SLC16A14: variants seen among roughly 807,000 people sequenced by gnomAD.
The protein encoded by SLC16A14 is monocarboxylate transporter 14.
Under a neutral mutation model 35.8 loss-of-function variants are expected in SLC16A14, and 14 were observed. That is an observed-to-expected ratio of 0.39 (90% CI 0.26 to 0.61). SLC16A14 has a LOEUF of 0.61. SLC16A14 is among the 20% of genes least tolerant of loss of function. The probability of loss-of-function intolerance (pLI) is 0.51; values close to 1 mark genes in which losing one functional copy is unlikely to be tolerated. For missense variants in SLC16A14, 533 were observed against 655.0 expected (o/e 0.81, Z 2.03); for synonymous variants, 248 against 258.9 (o/e 0.96, Z 0.40).
rs1339591650 is a variant in SLC16A14, at chr2:230,038,991, A to C, written c.1382-1460T>G. Among the ~76,000 whole-genome samples, 29 of 152,154 alleles carry C rather than the reference A, an allele frequency of 1.9e-4. No homozygotes were observed. Among genetic ancestry groups the C allele is most frequent in the Non-Finnish European group, 1.5e-4 (10 of 68,036 alleles). Reference sequence around the variant, plus strand: ...ACTTTTCAGAAACATCTTTAAAAAAATCGAATTGGCAAATGAATGCGTAAA... The same window carrying C: ...ACTTTTCAGAAACATCTTTAAAAAACTCGAATTGGCAAATGAATGCGTAAA... On this transcript the variant is annotated intron_variant, in intron 4 of 4. Transcript: ENST00000295190. The surrounding 1 kb of genome is among the most constrained non-coding windows in gnomAD (Gnocchi z 4.4).
intron 3 of SLC16A14, among the ~76,000 whole-genome samples, chr2:230,048,480 A>G (rs1459128393): frequency 6.6e-6 from 1 of 152,254 alleles, no homozygotes; most frequent in East Asian, 1.9e-4. Flanking sequence ...TATATTTTGC[A>G]TAATGGATAT....
At chr2:230,054,771 A>G (rs776446755) in intron 2 of SLC16A14, among the ~76,000 whole-genome samples, 83 of 152,164 alleles carry the variant, frequency 5.5e-4, no homozygotes, top group Non-Finnish European at 9.6e-4. Context: ...CAGGATGGTG[A>G]TGAATTCATG....
chr2:230,036,413 A>C lies in SLC16A14; in HGVS notation c.*967T>G, dbSNP rs1380984506. ...CAGACATCTACACTAATGGCATTCC[A>C]TTTATTATCCTCACAAATTGATAGT... is the stretch of plus-strand genomic sequence containing the variant. On this transcript the variant is annotated 3_prime_UTR_variant, in exon 5 of 5. Transcript: ENST00000295190. 1 of 152,240 alleles carries C rather than the reference A, an allele frequency of 6.6e-6. No individual in the cohort carries two copies. Among genetic ancestry groups the C allele is most frequent in the Non-Finnish European group, 1.5e-5 (1 of 68,046 alleles). 9.4% of individuals were successfully genotyped at this position (152,240 alleles called of 1,614,324 possible).
At position 230,064,288 on chromosome 2, in the gene SLC16A14, C is replaced by CTGTGTGTG. The variant is rs370970241; in HGVS notation, c.-15+4259_-15+4266dup. Among the ~76,000 whole-genome samples the CTGTGTGTG allele has an allele frequency of 7.9e-4, 118 of 149,690 alleles. No homozygotes were observed. In the East Asian group the frequency reaches 0.01, roughly 13 times the overall value. On this transcript the variant is annotated intron_variant, in intron 1 of 4. Coordinates refer to ENST00000295190, the MANE Select transcript of SLC16A14 (RefSeq NM_152527.5). ...AGTATGTCTTGGGTTTCAGCCTTGTCTGTGTGTGTGTGTGTGTGTGTGTGT... is the reference window on the plus strand; with the variant it reads ...AGTATGTCTTGGGTTTCAGCCTTGTCTGTGTGTGTGTGTGTGTGTGTGTGTGTGTGTGT...
Position 230,037,275 on chromosome 2 carries a change from T to C in SLC16A14, c.*105A>G. ...GGCATTTACAAATGACAGTGCCAGTTACCGTACAAAATGCTTTCCCACGTC... is the reference window on the plus strand; with the variant it reads ...GGCATTTACAAATGACAGTGCCAGTCACCGTACAAAATGCTTTCCCACGTC... On this transcript the variant is annotated 3_prime_UTR_variant, in exon 5 of 5. Transcript: ENST00000295190. 1 of 1,037,730 alleles carries C rather than the reference T, an allele frequency of 9.6e-7. No individual in the cohort carries two copies. Among genetic ancestry groups the C allele is most frequent in the South Asian group, 1.9e-5 (1 of 52,376 alleles). 64.3% of individuals were successfully genotyped at this position (1,037,730 alleles called of 1,614,324 possible). A position where few individuals can be genotyped will look rare whatever the true frequency, so the allele number is the denominator to read the frequency against.
intron 2 of SLC16A14, among the ~76,000 whole-genome samples, chr2:230,052,429 A>G (rs2077669029): frequency 6.6e-6 from 1 of 152,130 alleles, no homozygotes; most frequent in African/African-American, 2.4e-5. Flanking sequence ...TGGTTACTTG[A>G]CTATGCCTAG....
chr2:230,046,286 G>C lies in SLC16A14; in HGVS notation c.840C>G (p.Leu280=). The change falls in exon 4 of 5, where the codon CTC becomes CTG. Residue 280 remains leucine, a synonymous_variant. Transcript: ENST00000295190. The surrounding 1 kb of genome is among the most constrained non-coding windows in gnomAD (Gnocchi z 5.0). The stretch of plus-strand genomic sequence containing the variant: ...GCCAGCTGACAGTCTTCAGAATCCG[G>C]AGGGCACACATGTTCTTCCTGTGCC... ...QAGHRKNMCA[L]RILKTVSWLT... 6.2e-7 allele frequency: 1 copy of C among 1,614,188 alleles called. No homozygotes were observed. The highest frequency in any genetic ancestry group is 8.5e-7 in the Non-Finnish European group (1 of 1,180,042).
Position 230,037,544 on chromosome 2 carries a change from A to C in SLC16A14, c.1382-13T>G. On this transcript the variant is annotated splice_polypyrimidine_tract_variant and intron_variant, in intron 4 of 4. Coordinates refer to ENST00000295190, the MANE Select transcript of SLC16A14 (RefSeq NM_152527.5). ...TCATAGATCCACCCTACAAAACAAA[A>C]AAGAATATATTCAGTGTCATGGAGT... 2 of 1,589,120 alleles carry C rather than the reference A, an allele frequency of 1.3e-6. No homozygotes were observed. The highest frequency in any genetic ancestry group is 1.7e-6 in the Non-Finnish European group (2 of 1,171,352).
intron 4 of SLC16A14, among the ~76,000 whole-genome samples, chr2:230,039,495 A>T (rs904535516): frequency 1.3e-5 from 2 of 152,354 alleles, no homozygotes; most frequent in Admixed American, 1.3e-4. Context: ...ATGAACAAAA[A>T]CACACCCAAC....
At chr2:230,043,445 A>G (rs1403796992) in intron 4 of SLC16A14, among the ~76,000 whole-genome samples, 3 of 152,310 alleles carry the variant, frequency 2.0e-5, no homozygotes, top group Admixed American at 6.5e-5. Context: ...CTGGGAAAAA[A>G]GGGGGCAGGG....
chr2:230,039,195 A>G (rs892317901), intron 4 of SLC16A14, among the ~76,000 whole-genome samples: 13 of 151,892 alleles, frequency 8.6e-5, no homozygotes, highest in African/African-American at 2.4e-4. Context: ...ATAAAGAAAA[A>G]CAAACAATAG....
chr2:230,061,223 C>T (rs994375011), intron 1 of SLC16A14, among the ~76,000 whole-genome samples: 8 of 152,168 alleles, frequency 5.3e-5, no homozygotes, highest in African/African-American at 1.9e-4. Flanking sequence ...CAATTCTAGA[C>T]AATTACACTG....
chr2:230,053,995 T>C (rs2077683316), intron 2 of SLC16A14, among the ~76,000 whole-genome samples: 1 of 151,650 alleles, frequency 6.6e-6, no homozygotes, highest in African/African-American at 2.4e-5. Flanking sequence ...TCTAAATCAA[T>C]GAACTGTTTG....
chr2:230,066,638 A>AT (rs10626276), intron 1 of SLC16A14: 66,932 of 369,008 alleles, frequency 0.18, 1,328 homozygotes, highest in South Asian at 0.21. Context: ...CAAGCAAGTC[A>AT]TTTTTTTTTT....
rs777410633 is a variant in SLC16A14 at position 230,036,688 on chromosome 2, T to C, written c.*692A>G. 7.2e-5 allele frequency: 11 copies of C among 152,352 alleles called. No homozygotes were observed. The highest frequency in any genetic ancestry group is 2.0e-4 in the Admixed American group (3 of 15,304). The allele number at this position is 152,352 out of a possible 1,614,324, so 9.4% of individuals were successfully genotyped here. A position where few individuals can be genotyped will look rare whatever the true frequency, so the allele number is the denominator to read the frequency against. ...TAAGGAAATCATTACTGTTATTTCTTTGTTAAGGTTTTGTCTCAAGATTCC... is the reference window on the plus strand; with the variant it reads ...TAAGGAAATCATTACTGTTATTTCTCTGTTAAGGTTTTGTCTCAAGATTCC... On this transcript the variant is annotated 3_prime_UTR_variant, in exon 5 of 5. Coordinates refer to ENST00000295190, the MANE Select transcript of SLC16A14 (RefSeq NM_152527.5).
chr2:230,052,623 A>T (rs1449548773), intron 2 of SLC16A14, among the ~76,000 whole-genome samples: 1 of 149,914 alleles, frequency 6.7e-6, no homozygotes, highest in African/African-American at 2.5e-5. Context: ...GCGTTTGAGA[A>T]AAAAAAAAGG....
At position 230,045,898 on chromosome 2, in the gene SLC16A14, C is replaced by G. The variant is rs141760905; in HGVS notation, c.1228G>C (p.Val410Leu). 1.5e-4 allele frequency: 249 copies of G among 1,612,492 alleles called. 1 individual carries two copies. The African/African-American group carries it at 2.7e-3, about 18-fold the overall frequency. ...GAAAACCCTATCAGCGCACAGATGA[C>G]CGCCAGGCCAGCGTACGTGTGCATC... ...PLMHTYAGLAVICALIGFSSG... is the reference protein window; with the variant it reads ...PLMHTYAGLALICALIGFSSG... The change falls in exon 4 of 5, where the codon GTC becomes CTC. Residue 410 changes from valine to leucine, a missense_variant. Val to Leu is a conservative substitution (Grantham distance 32). Transcript: ENST00000295190.
At chr2:230,061,736 A>C (rs1330610303) in intron 1 of SLC16A14, among the ~76,000 whole-genome samples, 1 of 149,304 alleles carries the variant, frequency 6.7e-6, no homozygotes, top group African/African-American at 2.5e-5. Flanking sequence ...CTCAATTTGA[A>C]CAATATCTTT....
intron 3 of SLC16A14, among the ~76,000 whole-genome samples, chr2:230,047,307 C>CTT (rs56262602): frequency 0.019 from 2,054 of 110,268 alleles, 47 homozygotes; most frequent in Non-Finnish European, 0.029. Flanking sequence ...TATCTGACTT[C>CTT]TTTTTTTTTT....
Sources: gnomAD v4.1 joint callset for allele counts (sites outside exome capture counted in the v4.1 genomes callset) on GRCh38, gnomAD v4.1.1 for gene constraint, Gnocchi (gnomAD v3.1) non-coding constraint, MANE v1.5 for transcripts, NCBI Gene and HGNC (gene_info 2026-07-23, HGNC 2026-07-21) for gene names.